Variants in SORCS1 observed in about 807,000 individuals in gnomAD.
SORCS1 encodes the protein sortilin related VPS10 domain containing receptor 1, also known as VPS10 domain-containing receptor SorCS1.
In SORCS1, 60 loss-of-function variants were observed where a neutral mutation model predicts 146.1. The ratio of observed to expected loss-of-function variants is 0.41; its 90% confidence interval spans 0.33 to 0.51. SORCS1 has a LOEUF of 0.51. Among genes scored for constraint, SORCS1 ranks in the 20% least tolerant of loss-of-function variants. SORCS1 has a pLI of 0.21. For missense variants in SORCS1, 1,352 were observed against 1,487.6 expected (o/e 0.91, Z 1.50); for synonymous variants, 637 against 584.0 (o/e 1.09, Z -1.31).
At chr10:106,672,324 T>C (rs1851669435) in intron 15 of SORCS1, among the ~76,000 whole-genome samples, 1 of 152,152 alleles carries the variant, frequency 6.6e-6, no homozygotes, top group Admixed American at 6.5e-5. Flanking sequence ...AAGCTGGATA[T>C]GTGAGAGGCC....
intron 22 of SORCS1, among the ~76,000 whole-genome samples, chr10:106,607,801 G>A (rs974646129): frequency 2.6e-5 from 4 of 152,058 alleles, no homozygotes; most frequent in African/African-American, 9.7e-5. Context: ...CAGCCCACTG[G>A]AGTTACTCTT....
intron 1 of SORCS1, among the ~76,000 whole-genome samples, chr10:107,015,065 C>A (rs946612636): frequency 3.9e-5 from 6 of 152,178 alleles, no homozygotes; most frequent in African/African-American, 7.2e-5. Context: ...TTCTCTAGGG[C>A]AGCTACAACC....
chr10:106,898,229 CT>C (rs1159268097), intron 2 of SORCS1, among the ~76,000 whole-genome samples: 2 of 152,198 alleles, frequency 1.3e-5, no homozygotes, highest in South Asian at 4.1e-4. Context: ...TCATTTTGCT[CT>C]TCAGATTTCT....
At chr10:106,948,961 C>CAA (rs564056151) in intron 2 of SORCS1, among the ~76,000 whole-genome samples, 4,196 of 136,322 alleles carry the variant, frequency 0.031, 130 homozygotes, top group African/African-American at 0.086. Context: ...ACTCTGTATC[C>CAA]AAAAAAAAAA....
chr10:106,774,426 A>AGTGTGTGTGTGTGT (rs3045083), intron 4 of SORCS1, among the ~76,000 whole-genome samples: 1 of 147,620 alleles, frequency 6.8e-6, no homozygotes, highest in Non-Finnish European at 1.5e-5. Context: ...TAGGTTCCAA[A>AGTGTGTGTGTGTGT]GTGTGTGTGT....
chr10:106,976,211 GTTTT>G (rs751512315), intron 1 of SORCS1, among the ~76,000 whole-genome samples: 1 of 134,360 alleles, frequency 7.4e-6, no homozygotes, highest in East Asian at 2.6e-4. Flanking sequence ...TGCTTCATCT[GTTTT>G]TTTTTTTTTT....
chr10:106,752,561 C>T (rs1405726424), intron 5 of SORCS1, among the ~76,000 whole-genome samples: 1 of 152,140 alleles, frequency 6.6e-6, no homozygotes, highest in Non-Finnish European at 1.5e-5. Context: ...GGTAGTAGGT[C>T]AGAAAAAGTA....
At chr10:106,900,531 T>A (rs1308305092) in intron 2 of SORCS1, among the ~76,000 whole-genome samples, 1 of 151,964 alleles carries the variant, frequency 6.6e-6, no homozygotes, top group African/African-American at 2.4e-5. Context: ...TATAAATACA[T>A]CCCTCCTATA....
chr10:106,833,206 T>G (rs2137045033), intron 2 of SORCS1, among the ~76,000 whole-genome samples: 1 of 152,368 alleles, frequency 6.6e-6, no homozygotes, highest in East Asian at 1.9e-4. Flanking sequence ...CATTATTTTT[T>G]GGTGCCATCA....
At chr10:107,074,093 T>C (rs1241869119) in intron 1 of SORCS1, among the ~76,000 whole-genome samples, 1 of 152,190 alleles carries the variant, frequency 6.6e-6, no homozygotes, top group Non-Finnish European at 1.5e-5. Flanking sequence ...CTCGGCCTTG[T>C]CCATTCTATG....
intron 3 of SORCS1, among the ~76,000 whole-genome samples, chr10:106,791,286 C>A (rs974233012): frequency 6.6e-6 from 1 of 152,142 alleles, no homozygotes; most frequent in African/African-American, 2.4e-5. Context: ...TGTAATTAAT[C>A]TCTTATTTAC....
At chr10:107,014,272 AGAAAAG>A (rs1298408614) in intron 1 of SORCS1, among the ~76,000 whole-genome samples, 4 of 135,220 alleles carry the variant, frequency 3.0e-5, no homozygotes, top group Middle Eastern at 3.8e-3. Context: ...AAAAAAAAAA[AGAAAAG>A]AAAAAAAGAG....
At chr10:106,924,229 G>A (rs1214775615) in intron 2 of SORCS1, among the ~76,000 whole-genome samples, 2 of 145,682 alleles carry the variant, frequency 1.4e-5, no homozygotes, top group Non-Finnish European at 3.0e-5. Context: ...ATTCCAGCCT[G>A]GACAATAAGA....
chr10:106,981,826 T>C (rs1000863942), intron 1 of SORCS1, among the ~76,000 whole-genome samples: 1 of 152,174 alleles, frequency 6.6e-6, no homozygotes, highest in African/African-American at 2.4e-5. Flanking sequence ...CTGTCCCTCT[T>C]TCCTGTGAAT....
chr10:106,691,139 T>C (rs1853263460), intron 9 of SORCS1, among the ~76,000 whole-genome samples: 1 of 152,222 alleles, frequency 6.6e-6, no homozygotes, highest in East Asian at 1.9e-4. Context: ...TTTATGTTTC[T>C]AGATAACCTC....
chr10:106,966,458 T>G (rs1955499565), intron 1 of SORCS1, among the ~76,000 whole-genome samples: 1 of 152,230 alleles, frequency 6.6e-6, no homozygotes, highest in South Asian at 2.1e-4. Context: ...AAATGCCCTT[T>G]ATATTTTGTA....
rs1031896586 is a variant in SORCS1, at chr10:106,657,016, T to C, written c.2304-4463A>G. ...GGGTAGGAATGTAGATTAGTACAAA[T>C]TAGTACCACGTCTATGGAAAGCAGA... On this transcript the variant is annotated intron_variant, in intron 17 of 25. Transcript: ENST00000263054. Among the ~76,000 whole-genome samples the C allele has an allele frequency of 3.9e-5, 6 of 152,302 alleles. No homozygotes were observed. The South Asian group carries it at 1.2e-3, about 32-fold the overall frequency.
chr10:106,765,896 G>A (rs551138610), intron 4 of SORCS1, among the ~76,000 whole-genome samples: 2 of 152,204 alleles, frequency 1.3e-5, no homozygotes, highest in East Asian at 1.9e-4. Flanking sequence ...TTGTTAGACA[G>A]GTGCACGTGA....
chr10:106,913,016 T>C (rs1952239064), intron 2 of SORCS1, among the ~76,000 whole-genome samples: 1 of 151,860 alleles, frequency 6.6e-6, no homozygotes. Context: ...TCATATAGAG[T>C]TCTGATTAAA....
Sources: allele counts gnomAD v4.1 joint callset (sites outside exome capture counted in the v4.1 genomes callset), GRCh38; gene constraint gnomAD v4.1.1; transcripts MANE v1.5; gene names NCBI Gene and HGNC (gene_info 2026-07-23, HGNC 2026-07-21).